The following DYRK1A variants were observed in gnomAD, a reference collection of about 807,000 sequenced individuals.
DYRK1A encodes the protein dual specificity tyrosine phosphorylation regulated kinase 1A.
In DYRK1A, 9 loss-of-function variants were observed where a neutral mutation model predicts 79.7. The ratio of observed to expected loss-of-function variants is 0.11; its 90% CI spans 0.07 to 0.20. The LOEUF (loss-of-function observed/expected upper bound fraction) is 0.20, where lower values mean the gene tolerates loss of function less well. DYRK1A is among the 10% of genes least tolerant of loss of function. The pLI, the probability that DYRK1A is intolerant of heterozygous loss-of-function variation, is 1.00. For missense variants in DYRK1A, 622 were observed against 956.0 expected (o/e 0.65, Z 4.61); for synonymous variants, 349 against 329.7 (o/e 1.06, Z -0.63).
At position 37,505,471 on chromosome 21, in the gene DYRK1A, C is replaced by T. The variant is rs1057524542; in HGVS notation, c.1401C>T (p.His467=). 6.2e-7 allele frequency: 1 copy of T among 1,614,068 alleles called. No homozygotes were observed. The highest frequency in any genetic ancestry group is 1.7e-5 in the Admixed American group (1 of 60,010). The part of the protein sequence containing the change: ...TRIQPYYALQ[H]SFFKKTADEG... ...TTCAACCTTATTATGCTCTGCAGCA[C>T]AGTTTCTTCAAGAAAACAGCTGATG... Residue 467 remains histidine (H), a synonymous_variant, in exon 10 of 12, where the codon CAC becomes CAT. Coordinates refer to ENST00000647188, the MANE Select transcript of DYRK1A (RefSeq NM_001347721.2).
At chr21:37,501,166 GTTTTTTTTTTTT>G (rs34646709) in intron 9 of DYRK1A, among the ~76,000 whole-genome samples, 1 of 93,996 alleles carries the variant, frequency 1.1e-5, no homozygotes, top group Admixed American at 1.1e-4. Flanking sequence ...GTTGTTGTTG[GTTTTTTTTTTTT>G]TTTTTTTTTT....
intron 2 of DYRK1A, among the ~76,000 whole-genome samples, chr21:37,430,817 C>T (rs1018330594): frequency 5.9e-5 from 9 of 152,242 alleles, no homozygotes; most frequent in South Asian, 4.1e-4. Context: ...TGTGTTTGAG[C>T]GGCTGGGACT....
At chr21:37,486,328 TCTA>T (rs1267156736) in intron 5 of DYRK1A, 136 bp from the exon 6 acceptor site, 5 of 561,728 alleles carry the variant, frequency 8.9e-6, no homozygotes, top group South Asian at 5.3e-5. Context: ...TGGCATCTCT[TCTA>T]CTTAGGAAGG....
chr21:37,425,309 A>T (rs893020963), intron 2 of DYRK1A, among the ~76,000 whole-genome samples: 1 of 152,208 alleles, frequency 6.6e-6, no homozygotes, highest in African/African-American at 2.4e-5. Context: ...ATGCCTAAAA[A>T]TAAGTATATT....
intron 1 of DYRK1A, among the ~76,000 whole-genome samples, chr21:37,381,584 A>AT (rs907873758): frequency 1.3e-5 from 2 of 152,138 alleles, no homozygotes; most frequent in Non-Finnish European, 2.9e-5. Context: ...TTCAGCAGTT[A>AT]TATCTGGAAT....
intron 1 of DYRK1A, among the ~76,000 whole-genome samples, chr21:37,383,936 G>A (rs1021301252): frequency 6.6e-6 from 1 of 152,046 alleles, no homozygotes; most frequent in Non-Finnish European, 1.5e-5. Flanking sequence ...TTCTGAATTT[G>A]CCTTCCTACT....
chr21:37,420,508 T>C (rs1167969132), intron 2 of DYRK1A, 124 bp downstream of exon 2: 6 of 953,288 alleles, frequency 6.3e-6, no homozygotes, highest in Non-Finnish European at 9.8e-6. Flanking sequence ...GATCAGTAAA[T>C]GCAAAGGTAG....
chr21:37,366,436 G>T (rs2049305899), upstream of DYRK1A, among the ~76,000 whole-genome samples: 1 of 147,262 alleles, frequency 6.8e-6, no homozygotes, highest in Non-Finnish European at 1.5e-5. Context: ...GCCGGGAGGC[G>T]GCGGGCGATC....
chr21:37,401,702 C>T (rs1161659302), intron 1 of DYRK1A, among the ~76,000 whole-genome samples: 2 of 151,974 alleles, frequency 1.3e-5, no homozygotes, highest in Admixed American at 6.6e-5. Context: ...AGGCTGGTCT[C>T]GAACTCCTGA....
intron 2 of DYRK1A, among the ~76,000 whole-genome samples, chr21:37,457,053 T>G (rs146335057): frequency 2.4e-5 from 2 of 82,636 alleles, no homozygotes; most frequent in African/African-American, 7.8e-5. Context: ...TATTTATTTA[T>G]TTATTTATTT....
Position 37,420,315 on chromosome 21 carries a change from C to G in DYRK1A, c.-60C>G. On this transcript the variant is annotated 5_prime_UTR_variant, in exon 2 of 12. Transcript: ENST00000647188. ...TTCACACAGTGTTATAGTTTTGCCG[C>G]TGGACTCTTCCCTCCCTTCCCCCAC... is the stretch of plus-strand genomic sequence containing the variant. The G allele has an allele frequency of 6.5e-7, 1 of 1,547,178 alleles. No individual in the cohort carries two copies. Among genetic ancestry groups the G allele is most frequent in the Non-Finnish European group, 8.9e-7 (1 of 1,122,326 alleles).
intron 5 of DYRK1A, among the ~76,000 whole-genome samples, chr21:37,482,231 G>C (rs1332647419): frequency 1.2e-5 from 1 of 84,174 alleles, no homozygotes; most frequent in African/African-American, 3.5e-5. Flanking sequence ...CTGTATTATC[G>C]GGGGAAATTC....
At chr21:37,366,021 G>T (rs1178304750), upstream of DYRK1A, 1 of 152,124 alleles carries the variant, frequency 6.6e-6, no homozygotes, top group Admixed American at 6.5e-5. Flanking sequence ...GAATTCCTGC[G>T]ATGTCTGGGG....
chr21:37,397,732 A>G (rs185041995), intron 1 of DYRK1A, among the ~76,000 whole-genome samples: 2 of 152,050 alleles, frequency 1.3e-5, no homozygotes, highest in African/African-American at 4.8e-5. Flanking sequence ...GGAGATTCTG[A>G]TGGTTGTGTT....
At chr21:37,456,818 G>A (rs535301472) in intron 2 of DYRK1A, among the ~76,000 whole-genome samples, 19 of 152,204 alleles carry the variant, frequency 1.2e-4, no homozygotes, top group African/African-American at 4.6e-4. Flanking sequence ...GGCTTTTGTG[G>A]GTGTAAGGGC....
chr21:37,405,241 G>A (rs1333765084), intron 1 of DYRK1A, among the ~76,000 whole-genome samples: 1 of 152,098 alleles, frequency 6.6e-6, no homozygotes, highest in Non-Finnish European at 1.5e-5. Context: ...CAGATGCTGT[G>A]GGTCCCAAGC....
At chr21:37,400,495 A>G (rs1044687823) in intron 1 of DYRK1A, among the ~76,000 whole-genome samples, 6 of 152,232 alleles carry the variant, frequency 3.9e-5, no homozygotes, top group Non-Finnish European at 5.9e-5. Context: ...CAGCTATAAT[A>G]AGAATTAGTC....
At chr21:37,465,650 A>G (rs1049067254) in intron 2 of DYRK1A, among the ~76,000 whole-genome samples, 2 of 152,170 alleles carry the variant, frequency 1.3e-5, no homozygotes, top group Non-Finnish European at 2.9e-5. Context: ...CAGCCTGGCC[A>G]ACATGGTGAA....
At chr21:37,511,788 G>A in intron 11 of DYRK1A, 123 bp from the exon 12 acceptor site, 1 of 1,197,300 alleles carries the variant, frequency 8.4e-7, no homozygotes, top group South Asian at 1.6e-5. Context: ...CACATTAAAA[G>A]TTTCAAAAAC....
Sources: gnomAD v4.1 joint callset for allele counts (sites outside exome capture counted in the v4.1 genomes callset) on GRCh38, gnomAD v4.1.1 for gene constraint, MANE v1.5 for transcripts, NCBI Gene and HGNC (gene_info 2026-07-23, HGNC 2026-07-21) for gene names.